Variants in PPA2 observed in about 807,000 individuals in gnomAD.
PPA2 encodes the protein inorganic pyrophosphatase 2, mitochondrial.
In PPA2, 48 loss-of-function variants were observed where a neutral mutation model predicts 49.5. The ratio of observed to expected loss-of-function variants is 0.97; its 90% CI spans 0.77 to 1.23. PPA2 has a LOEUF of 1.23. Among genes scored for constraint, PPA2 ranks in the 50% most tolerant of loss-of-function variants. The pLI, the probability that PPA2 is intolerant of heterozygous loss-of-function variation, is 0.00. For synonymous variants in PPA2, 131 were observed against 139.9 expected (o/e 0.94, Z 0.45); for missense variants, 429 against 410.1 (o/e 1.05, Z -0.40).
chr4:105,420,599 T>C (rs539949535), intron 7 of PPA2, among the ~76,000 whole-genome samples: 6 of 152,336 alleles, frequency 3.9e-5, no homozygotes, highest in African/African-American at 7.2e-5. Context: ...GAAGTATAGA[T>C]GACAAATGTT....
chr4:105,462,713 C>T lies in PPA2; in HGVS notation c.158-5968G>A, dbSNP rs182899696. On this transcript the variant is annotated intron_variant, in intron 1 of 11. Transcript: ENST00000341695. Reference sequence around the variant, plus strand: ...ACCCAAATCTCATCTTGAATTCCCACGTGTTGTGGGTGGGACTCAGTGGGA... The same window carrying T: ...ACCCAAATCTCATCTTGAATTCCCATGTGTTGTGGGTGGGACTCAGTGGGA... 1.0e-3 allele frequency among the ~76,000 whole-genome samples: 155 copies of T among 152,248 alleles called. 1 individual carries two copies. Among genetic ancestry groups the T allele is most frequent in the African/African-American group, 3.4e-3 (143 of 41,534 alleles).
intron 10 of PPA2, among the ~76,000 whole-genome samples, chr4:105,383,742 T>C (rs892458556): frequency 2.6e-5 from 4 of 152,184 alleles, no homozygotes; most frequent in African/African-American, 9.7e-5. Context: ...TAATATTACT[T>C]AGGTACATAT....
At chr4:105,438,387 C>T (rs1317210534) in intron 5 of PPA2, among the ~76,000 whole-genome samples, 1 of 152,188 alleles carries the variant, frequency 6.6e-6, no homozygotes, top group Admixed American at 6.5e-5. Flanking sequence ...TGTGTTTCCG[C>T]TGACTGCCTC....
intron 5 of PPA2, among the ~76,000 whole-genome samples, chr4:105,438,420 C>T (rs1218812203): frequency 7.9e-5 from 12 of 152,158 alleles, no homozygotes; most frequent in African/African-American, 2.4e-4. Flanking sequence ...CGTCATTCAC[C>T]GCTTCCTTTG....
intron 10 of PPA2, among the ~76,000 whole-genome samples, chr4:105,384,851 C>T (rs1733619871): frequency 6.6e-6 from 1 of 152,164 alleles, no homozygotes; most frequent in South Asian, 2.1e-4. Context: ...GGTTCCCTAC[C>T]TCATTCAGAA....
chr4:105,380,361 T>C (rs1733438801), intron 10 of PPA2, among the ~76,000 whole-genome samples: 1 of 152,194 alleles, frequency 6.6e-6, no homozygotes. Context: ...TGTGCCTTAC[T>C]TTGAAAATGT....
At chr4:105,454,305 T>C (rs1053843088) in intron 2 of PPA2, among the ~76,000 whole-genome samples, 58 of 27,162 alleles carry the variant, frequency 2.1e-3, no homozygotes, top group Middle Eastern at 0.029. Context: ...GCTGCTGCTG[T>C]TGTTGTTGTT....
At chr4:105,419,759 TAA>T (rs1045267521) in intron 7 of PPA2, among the ~76,000 whole-genome samples, 3 of 147,196 alleles carry the variant, frequency 2.0e-5, no homozygotes, top group Non-Finnish European at 2.9e-5. Flanking sequence ...TCAAAAAAAA[TAA>T]AAGTTATTGT....
At chr4:105,412,603 T>C (rs1433383101) in intron 7 of PPA2, among the ~76,000 whole-genome samples, 1 of 152,144 alleles carries the variant, frequency 6.6e-6, no homozygotes, top group Non-Finnish European at 1.5e-5. Context: ...AAAGGGCTAA[T>C]ATCCAGAATC....
At chr4:105,460,279 G>A (rs1723031199) in intron 1 of PPA2, among the ~76,000 whole-genome samples, 1 of 152,112 alleles carries the variant, frequency 6.6e-6, no homozygotes, top group Admixed American at 6.5e-5. Context: ...GTAATTCAAA[G>A]AGGATTAAAA....
chr4:105,393,120 G>A (rs977485396), intron 9 of PPA2, among the ~76,000 whole-genome samples: 1 of 152,174 alleles, frequency 6.6e-6, no homozygotes, highest in African/African-American at 2.4e-5. Context: ...GAGACAAGAA[G>A]TGATGGAAAA....
intron 11 of PPA2, 25 bp downstream of exon 11, chr4:105,370,812 C>A (rs778466497): frequency 1.4e-6 from 2 of 1,401,864 alleles, no homozygotes; most frequent in Non-Finnish European, 1.9e-6. Flanking sequence ...ACATGTTACT[C>A]TTAATGAATC....
chr4:105,442,040 T>C (rs1338006214), intron 5 of PPA2, among the ~76,000 whole-genome samples: 1 of 151,352 alleles, frequency 6.6e-6, no homozygotes, highest in East Asian at 1.9e-4. Context: ...GGTTTCACTC[T>C]GCCACCCAGG....
At chr4:105,446,530 G>T (rs1256516221) in intron 4 of PPA2, 28 bp from the exon 5 acceptor site, 1 of 1,590,488 alleles carries the variant, frequency 6.3e-7, no homozygotes, top group South Asian at 1.2e-5. Flanking sequence ...GGAAGAAAAG[G>T]AGATGGGATA....
intron 8 of PPA2, among the ~76,000 whole-genome samples, chr4:105,397,428 G>A (rs1185481132): frequency 6.6e-6 from 1 of 152,152 alleles, no homozygotes; most frequent in Non-Finnish European, 1.5e-5. Flanking sequence ...TTGGATAAGT[G>A]TGATTATTTA....
intron 1 of PPA2, among the ~76,000 whole-genome samples, chr4:105,470,628 A>G (rs1298053697): frequency 6.6e-6 from 1 of 152,288 alleles, no homozygotes; most frequent in Admixed American, 6.5e-5. Context: ...GAATCTAATA[A>G]TAAGGATTTT....
chr4:105,409,887 A>G (rs1214022509), intron 7 of PPA2, among the ~76,000 whole-genome samples: 1 of 152,244 alleles, frequency 6.6e-6, no homozygotes, highest in African/African-American at 2.4e-5. Context: ...AAGGACATCC[A>G]CACCAAAACC....
At chr4:105,425,469 A>G (rs984457298) in intron 6 of PPA2, among the ~76,000 whole-genome samples, 1 of 152,212 alleles carries the variant, frequency 6.6e-6, no homozygotes, top group East Asian at 1.9e-4. Flanking sequence ...AGACATTGCC[A>G]AAGAGAAAAT....
At chr4:105,433,818 A>C (rs1047790061) in intron 6 of PPA2, among the ~76,000 whole-genome samples, 4 of 152,246 alleles carry the variant, frequency 2.6e-5, no homozygotes, top group Admixed American at 6.5e-5. Context: ...CAAGCCCAAA[A>C]GGAACATATG....
Sources: gnomAD v4.1 joint callset for allele counts (sites outside exome capture counted in the v4.1 genomes callset) on GRCh38, gnomAD v4.1.1 for gene constraint, MANE v1.5 for transcripts, NCBI Gene and HGNC (gene_info 2026-07-23, HGNC 2026-07-21) for gene names.